TBK1: variants seen among roughly 807,000 people sequenced by gnomAD.
TBK1 encodes the protein serine/threonine-protein kinase TBK1.
TBK1 carries 37 observed loss-of-function variants against 99.9 expected under a neutral mutation model. That is an observed-to-expected ratio of 0.37 (90% CI 0.28 to 0.49). The LOEUF is 0.49. Ranked by LOEUF, TBK1 falls within the 20% of genes least tolerant of loss-of-function variation. The pLI, the probability that TBK1 is intolerant of heterozygous loss-of-function variation, is 0.98. For missense variants in TBK1, 644 were observed against 872.5 expected, an observed-to-expected ratio of 0.74 and a Z score of 3.30; for synonymous variants, 258 against 279.8, an observed-to-expected ratio of 0.92 and a Z score of 0.78.
chr12:64,458,960 A>T (rs1480642725), intron 2 of TBK1, among the ~76,000 whole-genome samples: 1 of 152,144 alleles, frequency 6.6e-6, no homozygotes, highest in Non-Finnish European at 1.5e-5. Context: ...CAATTTGTGT[A>T]TTTTGCATGA....
intron 13 of TBK1, among the ~76,000 whole-genome samples, chr12:64,494,887 C>T (rs777804392): frequency 3.4e-4 from 52 of 152,194 alleles, no homozygotes; most frequent in Non-Finnish European, 6.8e-4. Flanking sequence ...GTATCAGGAC[C>T]TTTAAAATAT....
At chr12:64,472,460 TAC>T (rs2040672375) in intron 5 of TBK1, among the ~76,000 whole-genome samples, 1 of 152,200 alleles carries the variant, frequency 6.6e-6, no homozygotes, top group East Asian at 1.9e-4. Context: ...GGTCCATACG[TAC>T]ACTTTTCAAG....
At chr12:64,493,098 A>G (rs1172024980) in intron 13 of TBK1, among the ~76,000 whole-genome samples, 1 of 151,544 alleles carries the variant, frequency 6.6e-6, no homozygotes, top group Admixed American at 6.6e-5. Flanking sequence ...GTTTCACCGT[A>G]TTAGCCAGGA....
chr12:64,485,969 C>T lies in TBK1; in HGVS notation c.1292C>T (p.Thr431Ile), dbSNP rs1433610854. Residue 431 changes from threonine (T) to isoleucine (I), a missense_variant, in exon 11 of 21, where the codon ACC becomes ATC. Thr to Ile is a moderately conservative substitution (Grantham distance 89). Transcript: ENST00000331710. ...TGTTATGCCTGCAGAATTGCCAGTA[C>T]CTTACTGCTTTATCAGGAATTAATG... is the stretch of plus-strand genomic sequence containing the variant. The part of the protein sequence containing the change: ...VVCYACRIAS[T>I]LLLYQELMRK... 4.4e-6 allele frequency: 7 copies of T among 1,593,888 alleles called. No homozygotes were observed. Among genetic ancestry groups the T allele is most frequent in the Non-Finnish European group, 6.0e-6 (7 of 1,171,306 alleles).
chr12:64,472,130 A>T (rs982388159), intron 5 of TBK1, among the ~76,000 whole-genome samples: 3 of 151,480 alleles, frequency 2.0e-5, no homozygotes, highest in African/African-American at 7.3e-5. Context: ...CTGAGATCCC[A>T]TATATCTAGT....
At chr12:64,477,088 A>G (rs549436237) in intron 6 of TBK1, among the ~76,000 whole-genome samples, 27 of 152,112 alleles carry the variant, frequency 1.8e-4, no homozygotes, top group Non-Finnish European at 3.7e-4. Context: ...GTATAGTTTG[A>G]AGTCAGGTAA....
chr12:64,462,119 A>G (rs2040554196), intron 3 of TBK1, among the ~76,000 whole-genome samples: 1 of 152,118 alleles, frequency 6.6e-6, no homozygotes, highest in African/African-American at 2.4e-5. Flanking sequence ...TTTAGTCTCC[A>G]TTAAGCCCCC....
intron 5 of TBK1, among the ~76,000 whole-genome samples, chr12:64,472,186 G>A (rs547149579): frequency 6.6e-4 from 100 of 151,474 alleles, no homozygotes; most frequent in Non-Finnish European, 1.8e-4. Context: ...TCTTATACTT[G>A]TCTGCATTCT....
intron 5 of TBK1, among the ~76,000 whole-genome samples, chr12:64,472,869 T>C (rs1257595276): frequency 6.6e-6 from 1 of 152,242 alleles, no homozygotes; most frequent in African/African-American, 2.4e-5. Flanking sequence ...CTGGGCTACA[T>C]GTGGCCCACA....
chr12:64,497,135 A>C (rs184664042), intron 17 of TBK1, 28 bp from the exon 18 acceptor site: 10 of 1,581,904 alleles, frequency 6.3e-6, no homozygotes, highest in South Asian at 1.1e-5. Flanking sequence ...ACTAGACTGC[A>C]TATCAATTGA....
In TBK1 at chr12:64,484,199, A is replaced by G. The variant is rs1016169389; in HGVS notation, c.993-104A>G. The G allele has an allele frequency of 8.1e-6, 6 of 736,828 alleles. No homozygotes were observed. In the Admixed American group the frequency reaches 1.2e-4, roughly 14 times the overall value. 45.6% of individuals were successfully genotyped at this position (736,828 alleles called of 1,614,324 possible). ...CAAGTTTATATGGACTGGTTATGATATTAGGGATATGAATTAGAAATGGAT... is the reference window on the plus strand; with the variant it reads ...CAAGTTTATATGGACTGGTTATGATGTTAGGGATATGAATTAGAAATGGAT... On this transcript the variant is annotated intron_variant, in intron 8 of 20. Transcript: ENST00000331710.
At chr12:64,481,212 G>A (rs1010055391) in intron 7 of TBK1, among the ~76,000 whole-genome samples, 1 of 152,004 alleles carries the variant, frequency 6.6e-6, no homozygotes, top group African/African-American at 2.4e-5. Flanking sequence ...AGTGTAAAGG[G>A]CTCAGAAAAT....
intron 3 of TBK1, 42 bp downstream of exon 3, chr12:64,460,371 A>G: frequency 7.0e-7 from 1 of 1,432,528 alleles, no homozygotes; most frequent in African/African-American, 1.4e-5. Flanking sequence ...TGTAGTTACG[A>G]GTCAAGAAAT....
chr12:64,496,458 C>A (rs1323675500), intron 16 of TBK1, 52 bp downstream of exon 16: 2 of 918,702 alleles, frequency 2.2e-6, no homozygotes, highest in African/African-American at 1.7e-5. Flanking sequence ...TTTTGGTTAT[C>A]TTTATTAATA....
Position 64,488,581 on chromosome 12 carries a change from G to A in TBK1, c.1435G>A (p.Val479Met). 2.5e-6 allele frequency: 4 copies of A among 1,592,636 alleles called. No individual in the cohort carries two copies. In the South Asian group the frequency reaches 4.6e-5, roughly 18 times the overall value. The change falls in exon 12 of 21, where the codon GTG becomes ATG. Residue 479 changes from valine (V) to methionine (M), a missense_variant. Transcript: ENST00000331710. Reference sequence around the variant, plus strand: ...CTGTATCAGAAACATTGAAAAAACTGTGAAAGTGTGAGTAGACTACTTCCT... The same window carrying A: ...CTGTATCAGAAACATTGAAAAAACTATGAAAGTGTGAGTAGACTACTTCCT... ...DFCIRNIEKT[V>M]KVYEKLMKIN... is the part of the protein sequence containing the mutation.
At chr12:64,485,770 A>G (rs960226162) in intron 10 of TBK1, 156 bp from the exon 11 acceptor site, 6 of 455,980 alleles carry the variant, frequency 1.3e-5, no homozygotes, top group Non-Finnish European at 2.3e-5. Context: ...CATATTTATT[A>G]TATTTATATC....
chr12:64,482,004 T>C lies in TBK1; in HGVS notation c.975T>C (p.Tyr325=), dbSNP rs1182642931. The change falls in exon 8 of 21, where the codon TAT becomes TAC. Residue 325 remains tyrosine, a synonymous_variant. Transcript: ENST00000331710. ...AACAAATGACAGCTCATAAGATTTA[T>C]ATTCATAGCTATAATACGTAAGTAT... is the stretch of plus-strand genomic sequence containing the variant. ...SLQQMTAHKI[Y]IHSYNTATIF... 6.3e-7 allele frequency: 1 copy of C among 1,585,522 alleles called. No individual in the cohort carries two copies. The highest frequency in any genetic ancestry group is 2.3e-5 in the East Asian group (1 of 43,144).
intron 4 of TBK1, 23 bp from the exon 5 acceptor site, chr12:64,466,875 ACTT>A (rs772255979): frequency 6.6e-7 from 1 of 1,515,982 alleles, no homozygotes; most frequent in Admixed American, 2.0e-5. Context: ...CTACATTATG[ACTT>A]CTTTTGTTTT....
chr12:64,460,318 A>G lies in TBK1; in HGVS notation c.217A>G (p.Ile73Val), dbSNP rs751253214. 8.8e-5 allele frequency: 137 copies of G among 1,563,196 alleles called. No individual in the cohort carries two copies. Among genetic ancestry groups the G allele is most frequent in the Non-Finnish European group, 1.1e-4 (125 of 1,152,256 alleles). ...CAAAAATATTGTCAAATTATTTGCT[A>G]TTGAAGAGGAGGTAAGTAGTAAAAC... ...NHKNIVKLFA[I>V]EEETTTRHKV... is the part of the protein sequence containing the mutation. The change falls in exon 3 of 21, where the codon ATT (isoleucine) becomes GTT (valine). Residue 73 changes from isoleucine (I) to valine (V), a missense_variant. Ile to Val is a conservative substitution (Grantham distance 29). Coordinates refer to ENST00000331710, the MANE Select transcript of TBK1 (RefSeq NM_013254.4).
Sources: gnomAD v4.1 joint callset for allele counts (sites outside exome capture counted in the v4.1 genomes callset) on GRCh38, gnomAD v4.1.1 for gene constraint, MANE v1.5 for transcripts, NCBI Gene and HGNC (gene_info 2026-07-23, HGNC 2026-07-21) for gene names.